TMPRSS11A: variants seen among roughly 807,000 people sequenced by gnomAD.
TMPRSS11A encodes transmembrane protease serine 11A.
In TMPRSS11A, 53 loss-of-function variants were observed where a neutral mutation model predicts 58.9. The ratio of observed to expected loss-of-function variants is 0.90; its 90% CI spans 0.72 to 1.13. The LOEUF (loss-of-function observed/expected upper bound fraction) is 1.13. Ranked by LOEUF, TMPRSS11A falls within the 50% of genes most tolerant of loss-of-function variation. The pLI is 0.00. For synonymous variants in TMPRSS11A, 167 were observed against 169.8 expected (o/e 0.98, Z 0.13); for missense variants, 493 against 499.3 (o/e 0.99, Z 0.12).
chr4:67,941,580 T>C (rs1021643956), intron 3 of TMPRSS11A, among the ~76,000 whole-genome samples: 15 of 152,188 alleles, frequency 9.9e-5, no homozygotes, highest in African/African-American at 3.1e-4. Context: ...TTTCCTTTTC[T>C]GCAAGACCCA....
intron 2 of TMPRSS11A, among the ~76,000 whole-genome samples, chr4:67,945,938 A>T (rs542824053): frequency 6.6e-6 from 1 of 152,322 alleles, no homozygotes; most frequent in African/African-American, 2.4e-5. Flanking sequence ...AAAATAAATG[A>T]TAATATTGTG....
At chr4:67,952,898 A>G (rs1222088337) in intron 1 of TMPRSS11A, among the ~76,000 whole-genome samples, 1 of 152,182 alleles carries the variant, frequency 6.6e-6, no homozygotes, top group Non-Finnish European at 1.5e-5. Context: ...ACATTCAGAT[A>G]GATTTGGAAA....
At chr4:67,915,712 C>T (rs982012629) in intron 8 of TMPRSS11A, among the ~76,000 whole-genome samples, 6 of 152,138 alleles carry the variant, frequency 3.9e-5, no homozygotes, top group African/African-American at 9.7e-5. Flanking sequence ...TCTACAGCTG[C>T]GAGTAAAGGA....
chr4:67,961,472 CTTTTCTTTTCCTTTTTT>C (rs1721417613), intron 1 of TMPRSS11A, among the ~76,000 whole-genome samples: 1 of 119,956 alleles, frequency 8.3e-6, no homozygotes, highest in Non-Finnish European at 1.6e-5. Context: ...CTTTCCTTTC[CTTTTCTTTTCCTTTTTT>C]TTTTTTTTTT....
At chr4:67,915,399 C>G (rs937702843) in intron 8 of TMPRSS11A, among the ~76,000 whole-genome samples, 1 of 151,966 alleles carries the variant, frequency 6.6e-6, no homozygotes, top group Non-Finnish European at 1.5e-5. Context: ...AAACCATGAC[C>G]CCATGGTTGG....
chr4:67,916,352 GA>G (rs1305028270), intron 8 of TMPRSS11A, among the ~76,000 whole-genome samples: 1 of 151,920 alleles, frequency 6.6e-6, no homozygotes, highest in Non-Finnish European at 1.5e-5. Context: ...TATTTCTGAA[GA>G]AATGTTTGTA....
chr4:67,934,423 A>C (rs1488348311), intron 3 of TMPRSS11A, among the ~76,000 whole-genome samples: 3 of 152,178 alleles, frequency 2.0e-5, no homozygotes, highest in Non-Finnish European at 4.4e-5. Flanking sequence ...ACGTTCTGGC[A>C]TTCCAAGTTC....
In TMPRSS11A at chr4:67,922,942, A is replaced by T; in HGVS notation, c.521-16T>A. The T allele has an allele frequency of 6.2e-7, 1 of 1,612,446 alleles. No individual in the cohort carries two copies. Among genetic ancestry groups the T allele is most frequent in the Non-Finnish European group, 8.5e-7 (1 of 1,178,714 alleles). On this transcript the variant is annotated splice_polypyrimidine_tract_variant and intron_variant, in intron 6 of 9. Transcript: ENST00000508048. ...TTACCACAACCTGAAAAAAGATGAG[A>T]TCATTAAGTTATAAGAAACATCTTG...
chr4:67,918,911 A>G, intron 8 of TMPRSS11A, 62 bp downstream of exon 8: 1 of 1,565,648 alleles, frequency 6.4e-7, no homozygotes, highest in Non-Finnish European at 8.7e-7. Flanking sequence ...ATATTGATGG[A>G]GATGAAATCA....
chr4:67,918,287 T>C (rs1720215213), intron 8 of TMPRSS11A, among the ~76,000 whole-genome samples: 1 of 152,190 alleles, frequency 6.6e-6, no homozygotes, highest in African/African-American at 2.4e-5. Flanking sequence ...CCTAGAACAT[T>C]CAGTAACTAA....
chr4:67,922,180 A>G (rs1720348104), intron 7 of TMPRSS11A, among the ~76,000 whole-genome samples: 1 of 152,176 alleles, frequency 6.6e-6, no homozygotes, highest in East Asian at 1.9e-4. Flanking sequence ...TACTCCGAGG[A>G]ATCTCTTTTG....
intron 1 of TMPRSS11A, among the ~76,000 whole-genome samples, chr4:67,950,605 G>T (rs952406967): frequency 3.9e-5 from 6 of 152,154 alleles, no homozygotes; most frequent in Non-Finnish European, 8.8e-5. Context: ...GTACACCGGA[G>T]GGGGGAATCT....
chr4:67,937,273 C>A (rs996579962), intron 3 of TMPRSS11A, among the ~76,000 whole-genome samples: 1 of 152,156 alleles, frequency 6.6e-6, no homozygotes, highest in Non-Finnish European at 1.5e-5. Flanking sequence ...TGTACATACA[C>A]ATGTCAATAT....
intron 8 of TMPRSS11A, among the ~76,000 whole-genome samples, chr4:67,917,103 A>G (rs1200957114): frequency 6.6e-6 from 1 of 151,926 alleles, no homozygotes; most frequent in Non-Finnish European, 1.5e-5. Flanking sequence ...TCAATTTTCT[A>G]TAGTTTATTT....
chr4:67,930,159 T>A (rs1162172129), intron 4 of TMPRSS11A, 119 bp from the exon 5 acceptor site: 30 of 793,422 alleles, frequency 3.8e-5, no homozygotes, highest in Non-Finnish European at 5.3e-5. Flanking sequence ...CAAGTGCTGA[T>A]CCTCTCATGT....
At chr4:67,939,781 T>C (rs1577864206) in intron 3 of TMPRSS11A, among the ~76,000 whole-genome samples, 1 of 152,226 alleles carries the variant, frequency 6.6e-6, no homozygotes. Context: ...CTCTGCCTCC[T>C]GGGTTCAAGT....
chr4:67,918,072 A>T (rs939690047), intron 8 of TMPRSS11A, among the ~76,000 whole-genome samples: 2 of 152,238 alleles, frequency 1.3e-5, no homozygotes, highest in African/African-American at 4.8e-5. Context: ...CTAGTTCCTT[A>T]ATGGTAGACT....
intron 7 of TMPRSS11A, among the ~76,000 whole-genome samples, chr4:67,919,747 G>C (rs753783265): frequency 8.5e-5 from 13 of 152,212 alleles, no homozygotes; most frequent in Non-Finnish European, 1.9e-4. Flanking sequence ...TTTGGGCTAA[G>C]ACATAGTAAA....
intron 7 of TMPRSS11A, among the ~76,000 whole-genome samples, chr4:67,921,591 G>A (rs1720332689): frequency 6.6e-6 from 1 of 152,152 alleles, no homozygotes; most frequent in Non-Finnish European, 1.5e-5. Flanking sequence ...TTACAGGCAT[G>A]AGCCACCATG....
Sources: gnomAD v4.1 joint callset for allele counts (sites outside exome capture counted in the v4.1 genomes callset) on GRCh38, gnomAD v4.1.1 for gene constraint, MANE v1.5 for transcripts, NCBI Gene and HGNC (gene_info 2026-07-23, HGNC 2026-07-21) for gene names.